The following DDX54 variants were observed in gnomAD, a reference collection of about 807,000 sequenced individuals.
DDX54 encodes the protein DEAD-box helicase 54.
In DDX54, 67 loss-of-function variants were observed where a neutral mutation model predicts 105.5. That is an observed-to-expected ratio of 0.64 (90% confidence interval 0.52 to 0.78). DDX54 has a LOEUF of 0.78. Ranked by LOEUF, DDX54 falls within the 30% of genes least tolerant of loss-of-function variation. The pLI, the probability that DDX54 is intolerant of heterozygous loss-of-function variation, is 0.00. For synonymous variants in DDX54, 514 were observed against 509.9 expected (o/e 1.01, Z -0.11); for missense variants, 1,206 against 1,230.5 (o/e 0.98, Z 0.30).
chr12:113,164,701 G>C (rs1463387804), intron 14 of DDX54, among the ~76,000 whole-genome samples: 1 of 140,702 alleles, frequency 7.1e-6, no homozygotes, highest in Non-Finnish European at 1.5e-5. Context: ...GTAACAGAGC[G>C]AGACTCCATC....
rs1406832288 is a variant in DDX54, at chr12:113,164,291, G to A, written c.1720-6C>T. ...GCGTTGATCTCAAAGATAGTCTGTG[G>A]AGGGGACACCCAGTCCTTTGCCCAC... is the stretch of plus-strand genomic sequence containing the variant. On this transcript the variant is annotated splice_polypyrimidine_tract_variant and splice_region_variant and intron_variant, in intron 14 of 19. Transcript: ENST00000306014. 2 of 1,580,846 alleles carry A rather than the reference G, an allele frequency of 1.3e-6. No homozygotes were observed. Among genetic ancestry groups the A allele is most frequent in the African/African-American group, 1.3e-5 (1 of 74,472 alleles).
In DDX54 at chr12:113,159,070, C is replaced by T. The variant is rs769217668; in HGVS notation, c.2453G>A (p.Arg818Gln). The T allele has an allele frequency of 3.9e-5, 63 of 1,608,004 alleles. No homozygotes were observed. The highest frequency in any genetic ancestry group is 1.5e-4 in the African/African-American group (11 of 74,884). ...RPHAPGTPAG[R>Q]VRPELKTKQQ... ...CTTGGTCTTGAGTTCCGGGCGGACTCGGCCTGCAGGGGTGCCTGGGGCGTG... is the reference window on the plus strand; with the variant it reads ...CTTGGTCTTGAGTTCCGGGCGGACTTGGCCTGCAGGGGTGCCTGGGGCGTG... Residue 818 changes from arginine to glutamine, a missense_variant, in exon 20 of 20, where the codon CGA becomes CAA. Coordinates refer to ENST00000306014, the MANE Select transcript of DDX54 (RefSeq NM_024072.4).
intron 11 of DDX54, among the ~76,000 whole-genome samples, chr12:113,170,931 A>G (rs555456373): frequency 1.3e-5 from 2 of 152,362 alleles, no homozygotes; most frequent in East Asian, 1.9e-4. Flanking sequence ...ACCCAATATG[A>G]TTGCAATTTT....
Position 113,157,995 on chromosome 12 carries a change from T to C in DDX54, c.*882A>G. On this transcript the variant is annotated 3_prime_UTR_variant, in exon 20 of 20. Coordinates refer to ENST00000306014, the MANE Select transcript of DDX54 (RefSeq NM_024072.4). Reference sequence around the variant, plus strand: ...TTGGGGCATGAAAAAAAACTCTTTGTCAGGTCTCAGAACAGGGTCCATGCT... The same window carrying C: ...TTGGGGCATGAAAAAAAACTCTTTGCCAGGTCTCAGAACAGGGTCCATGCT... 2.5e-6 allele frequency: 1 copy of C among 398,440 alleles called. No individual in the cohort carries two copies. 24.7% of individuals were successfully genotyped at this position (398,440 alleles called of 1,614,324 possible). A position where few individuals can be genotyped will look rare whatever the true frequency, so the allele number is the denominator to read the frequency against.
intron 19 of DDX54, 33 bp downstream of exon 19, chr12:113,161,237 C>CT: frequency 3.2e-6 from 5 of 1,562,886 alleles, no homozygotes; most frequent in Non-Finnish European, 4.4e-6. Context: ...CTCTGCCTAC[C>CT]TGTGCACCCA....
At chr12:113,171,062 C>G (rs1008484518) in intron 11 of DDX54, among the ~76,000 whole-genome samples, 6 of 152,286 alleles carry the variant, frequency 3.9e-5, no homozygotes, top group African/African-American at 1.4e-4. Context: ...CACTGTTGGT[C>G]TTGTGAGGCA....
chr12:113,164,258 G>A lies in DDX54; in HGVS notation c.1747C>T (p.Arg583Ter), dbSNP rs771570378. ...ATIFEINASS[R>*]DLCSQVMRAK... ...CGCATCACCTGGCTGCACAGGTCTCGGCTGGAGGCGTTGATCTCAAAGATA... is the reference window on the plus strand; with the variant it reads ...CGCATCACCTGGCTGCACAGGTCTCAGCTGGAGGCGTTGATCTCAAAGATA... Residue 583 changes from arginine (R) to a stop codon, truncating the protein, a stop_gained, in exon 15 of 20, where the codon CGA (arginine) becomes TGA (stop). Coordinates refer to ENST00000306014, the MANE Select transcript of DDX54 (RefSeq NM_024072.4). LOFTEE classifies it high-confidence loss of function. 9.4e-6 allele frequency: 15 copies of A among 1,595,140 alleles called. No individual in the cohort carries two copies. Among genetic ancestry groups the A allele is most frequent in the Admixed American group, 1.7e-5 (1 of 57,832 alleles).
At chr12:113,162,792 T>A in intron 17 of DDX54, 140 bp downstream of exon 17, 1 of 740,494 alleles carries the variant, frequency 1.4e-6, no homozygotes, top group South Asian at 2.0e-5. Context: ...ACCCCGGGCA[T>A]GGAGGGGCGG....
intron 11 of DDX54, among the ~76,000 whole-genome samples, chr12:113,171,049 C>T (rs370132256): frequency 2.0e-5 from 3 of 152,102 alleles, no homozygotes; most frequent in Non-Finnish European, 1.5e-5. Flanking sequence ...GTTGTCTGAC[C>T]GGCACTGTTG....
intron 1 of DDX54, among the ~76,000 whole-genome samples, chr12:113,182,566 T>C (rs1273578590): frequency 1.3e-5 from 2 of 148,204 alleles, no homozygotes; most frequent in Non-Finnish European, 3.0e-5. Flanking sequence ...GTCTTCTTCT[T>C]TTTTTTTTTT....
chr12:113,168,051 T>C, intron 12 of DDX54: 1 of 431,894 alleles, frequency 2.3e-6, no homozygotes, highest in African/African-American at 2.1e-5. Flanking sequence ...GGCGCCCGAC[T>C]GAGGCCTCCA....
Position 113,174,771 on chromosome 12 carries a change from T to C in DDX54, c.937A>G (p.Thr313Ala). ...TCCTCCCGCACGAGGAAGAAGGAGGTCTGTGGGGAGAGGGCATCACGTGTT... is the reference window on the plus strand; with the variant it reads ...TCCTCCCGCACGAGGAAGAAGGAGGCCTGTGGGGAGAGGGCATCACGTGTT... ...VDTKLNEQLKTSFFLVREDTK... is the reference protein window; with the variant it reads ...VDTKLNEQLKASFFLVREDTK... Residue 313 changes from threonine to alanine, a missense_variant and splice_region_variant, in exon 10 of 20, where the codon ACC (threonine) becomes GCC (alanine). Physicochemically the swap from Thr to Ala is moderately conservative, Grantham distance 58. This residue lies in a region of DDX54 where 961 missense variants were observed against 1,019.1 expected (regional missense o/e 0.94). Transcript: ENST00000306014. 9.9e-6 allele frequency: 16 copies of C among 1,613,356 alleles called. No individual in the cohort carries two copies. The highest frequency in any genetic ancestry group is 1.3e-5 in the Non-Finnish European group (15 of 1,179,510).
At position 113,158,920 on chromosome 12, in the gene DDX54, C is replaced by T. The variant is rs146882826; in HGVS notation, c.2603G>A (p.Arg868Gln). 1,197 of 1,608,620 alleles carry T rather than the reference C, an allele frequency of 7.4e-4. No individual in the cohort carries two copies. Among genetic ancestry groups the T allele is most frequent in the Non-Finnish European group, 9.2e-4 (1,077 of 1,176,304 alleles). Residue 868 changes from arginine to glutamine, a missense_variant, in exon 20 of 20, where the codon CGG becomes CAG. Arg to Gln is a conservative substitution (Grantham distance 43). This residue lies in a region of DDX54 where 961 missense variants were observed against 1,019.1 expected (regional missense o/e 0.94). Coordinates refer to ENST00000306014, the MANE Select transcript of DDX54 (RefSeq NM_024072.4). The surrounding 1 kb of genome is among the most constrained non-coding windows in gnomAD (Gnocchi z 4.9). ...CTTGCCCTTCTTGGAGCGGGCACCC[C>T]GGCCGAAGGCGCCCTGCTGCAGCTC... The part of the protein sequence containing the change: ...VQELQQGAFG[R>Q]GARSKKGKMR...
At chr12:113,168,008 C>T (rs1285997925) in intron 12 of DDX54, 2 of 482,372 alleles carry the variant, frequency 4.1e-6, no homozygotes, top group Admixed American at 2.1e-5. Flanking sequence ...TTTGAAATGC[C>T]CTTTAGGCGC....
intron 19 of DDX54, 90 bp from the exon 20 acceptor site, chr12:113,159,199 CT>C (rs1187783931): frequency 7.3e-7 from 1 of 1,363,684 alleles, no homozygotes; most frequent in Non-Finnish European, 9.9e-7. Flanking sequence ...TCCCCTGCCC[CT>C]ACTCCTGTTC....
At position 113,157,345 on chromosome 12, in the gene DDX54, T is replaced by G; in HGVS notation, c.*1532A>C. 1 of 516,830 alleles carries G rather than the reference T, an allele frequency of 1.9e-6. No homozygotes were observed. The highest frequency in any genetic ancestry group is 2.9e-5 in the East Asian group (1 of 34,312). 32.0% of individuals were successfully genotyped at this position (516,830 alleles called of 1,614,324 possible). A position where few individuals can be genotyped will look rare whatever the true frequency, so the allele number is the denominator to read the frequency against. The stretch of plus-strand genomic sequence containing the variant: ...GATGTAAATGAAAATACTAATTGGA[T>G]AGTGCAGGTGACAGCAGCGAGGAAG... On this transcript the variant is annotated 3_prime_UTR_variant, in exon 20 of 20. Transcript: ENST00000306014.
intron 17 of DDX54, chr12:113,162,634 C>T (rs975660308): frequency 1.9e-5 from 8 of 411,862 alleles, no homozygotes; most frequent in South Asian, 1.7e-4. Flanking sequence ...GCTCACTCAC[C>T]CCAGGGAATG....
chr12:113,157,934 A>C lies in DDX54; in HGVS notation c.*943T>G, dbSNP rs1328139711. On this transcript the variant is annotated 3_prime_UTR_variant, in exon 20 of 20. Coordinates refer to ENST00000306014, the MANE Select transcript of DDX54 (RefSeq NM_024072.4). ...GCTATGTGTGGGGCAACTGCCTCTAAAATGAGATCAGACCAGGCCCTCCCT... is the reference window on the plus strand; with the variant it reads ...GCTATGTGTGGGGCAACTGCCTCTACAATGAGATCAGACCAGGCCCTCCCT... 1 of 547,818 alleles carries C rather than the reference A, an allele frequency of 1.8e-6. No individual in the cohort carries two copies. Among genetic ancestry groups the C allele is most frequent in the Non-Finnish European group, 3.3e-6 (1 of 304,790 alleles). 33.9% of individuals were successfully genotyped at this position (547,818 alleles called of 1,614,324 possible). A position where few individuals can be genotyped will look rare whatever the true frequency, so the allele number is the denominator to read the frequency against.
Position 113,162,990 on chromosome 12 carries a change from G to A in DDX54, c.2137C>T (p.Leu713=). 6.2e-7 allele frequency: 1 copy of A among 1,609,196 alleles called. No homozygotes were observed. Among genetic ancestry groups the A allele is most frequent in the Non-Finnish European group, 8.5e-7 (1 of 1,179,828 alleles). Residue 713 remains leucine, a synonymous_variant, in exon 17 of 20, where the codon CTG becomes TTG. Transcript: ENST00000306014. ...TGGGCTTCATCCCCCATCAAGTCCA[G>A]GACAGCGCCAGCTGCCTGCTGCTCA... is the stretch of plus-strand genomic sequence containing the variant. ...AFEQQAAGAV[L]DLMGDEAQNL...
Sources: allele counts gnomAD v4.1 joint callset (sites outside exome capture counted in the v4.1 genomes callset), GRCh38; gene constraint gnomAD v4.1.1; regional missense constraint gnomAD v4.1.1; non-coding constraint Gnocchi (gnomAD v3.1); transcripts MANE v1.5; gene names NCBI Gene and HGNC (gene_info 2026-07-23, HGNC 2026-07-21).